Variants in PAM observed in about 807,000 individuals in gnomAD.
The protein encoded by PAM is peptidylglycine alpha-amidating monooxygenase.
Under a neutral mutation model 122.1 loss-of-function variants are expected in PAM, and 72 were observed. The ratio of observed to expected loss-of-function variants is 0.59; its 90% CI spans 0.49 to 0.72. The LOEUF is 0.72. Among genes scored for constraint, PAM ranks in the 30% least tolerant of loss-of-function variants. The pLI is 0.00. For missense variants in PAM, 1,106 were observed against 1,183.7 expected (o/e 0.93, Z 0.96); for synonymous variants, 389 against 404.4 (o/e 0.96, Z 0.46).
intron 1 of PAM, among the ~76,000 whole-genome samples, chr5:102,788,416 G>T (rs955709296): frequency 5.4e-5 from 8 of 148,102 alleles, no homozygotes; most frequent in African/African-American, 2.0e-4. Context: ...TGGAATGTAT[G>T]CAAGACATAA....
chr5:102,772,712 C>T (rs959446580), intron 1 of PAM, among the ~76,000 whole-genome samples: 1 of 151,934 alleles, frequency 6.6e-6, no homozygotes, highest in African/African-American at 2.4e-5. Flanking sequence ...AAATTAAATG[C>T]CAACAAAACT....
intron 7 of PAM, among the ~76,000 whole-genome samples, chr5:102,934,644 G>T (rs932080479): frequency 1.3e-5 from 2 of 152,186 alleles, no homozygotes; most frequent in African/African-American, 4.8e-5. Flanking sequence ...GGGGGCAGAT[G>T]TGGTCTGGAA....
chr5:102,939,659 T>C (rs975974842), intron 7 of PAM, among the ~76,000 whole-genome samples: 2 of 152,068 alleles, frequency 1.3e-5, no homozygotes, highest in African/African-American at 4.8e-5. Context: ...TCATACTACA[T>C]TACTACATAA....
chr5:102,935,308 G>A (rs988616513), intron 7 of PAM, among the ~76,000 whole-genome samples: 2 of 151,666 alleles, frequency 1.3e-5, no homozygotes, highest in African/African-American at 4.8e-5. Context: ...ATTTCCCACA[G>A]ATCTGCATCT....
At chr5:102,777,480 T>C (rs1274167187) in intron 1 of PAM, among the ~76,000 whole-genome samples, 2 of 152,084 alleles carry the variant, frequency 1.3e-5, no homozygotes, top group African/African-American at 4.8e-5. Flanking sequence ...TCTATAAATA[T>C]TAGTTAAATG....
intron 1 of PAM, among the ~76,000 whole-genome samples, chr5:102,828,925 T>G (rs1398866587): frequency 6.6e-6 from 1 of 151,370 alleles, no homozygotes; most frequent in East Asian, 1.9e-4. Context: ...AGGGTTTTTT[T>G]TTTTTTTTTT....
intron 22 of PAM, among the ~76,000 whole-genome samples, chr5:103,018,222 A>G (rs1055176022): frequency 6.6e-6 from 1 of 152,216 alleles, no homozygotes; most frequent in African/African-American, 2.4e-5. Context: ...AATTTGAGGT[A>G]TCAGGAGCTT....
intron 4 of PAM, among the ~76,000 whole-genome samples, chr5:102,908,344 G>A (rs983839543): frequency 2.0e-4 from 31 of 151,942 alleles, no homozygotes; most frequent in Admixed American, 9.2e-4. Context: ...CTCTGTTTTG[G>A]TACCAGTACC....
At chr5:103,011,994 G>C (rs1780765944) in intron 21 of PAM, among the ~76,000 whole-genome samples, 1 of 152,166 alleles carries the variant, frequency 6.6e-6, no homozygotes, top group Admixed American at 6.5e-5. Flanking sequence ...GTTTCGATTT[G>C]CATTTCTCTG....
chr5:102,895,967 G>A (rs1036359754), intron 3 of PAM: 1 of 151,684 alleles, frequency 6.6e-6, no homozygotes, highest in Admixed American at 6.6e-5. Flanking sequence ...GGAAAGGTGA[G>A]TAATGGAGAT....
Position 102,995,535 on chromosome 5 carries a change from CGT to C in PAM, c.1613+5135_1613+5136del, listed in dbSNP as rs552109608. ...CCTGTTTTTGAGACTTGCATCAAGA[CGT>C]TTGAACTCCCTGATTCTCAGTTGCT... On this transcript the variant is annotated intron_variant, in intron 16 of 25. Coordinates refer to ENST00000438793, the MANE Select transcript of PAM (RefSeq NM_001177306.2). Among the ~76,000 whole-genome samples the C allele has an allele frequency of 2.3e-3, 343 of 152,168 alleles. 3 individuals are homozygous for C. The highest frequency in any genetic ancestry group is 8.1e-3 in the African/African-American group (337 of 41,556).
chr5:102,962,551 AC>A (rs749818651), intron 14 of PAM, among the ~76,000 whole-genome samples: 3 of 151,872 alleles, frequency 2.0e-5, no homozygotes, highest in Non-Finnish European at 4.4e-5. Context: ...GGAATGAGAT[AC>A]CACCATTTAA....
intron 23 of PAM, among the ~76,000 whole-genome samples, chr5:103,021,351 C>T (rs1404290275): frequency 1.3e-5 from 2 of 152,134 alleles, no homozygotes; most frequent in Non-Finnish European, 2.9e-5. Flanking sequence ...ACTCTGAAAC[C>T]TCTAGAATTT....
chr5:102,878,498 T>TA (rs766024959), intron 3 of PAM, among the ~76,000 whole-genome samples: 83 of 149,702 alleles, frequency 5.5e-4, no homozygotes, highest in South Asian at 1.3e-3. Context: ...TTCTACTTCT[T>TA]AAAAAAAAAA....
chr5:102,841,257 T>C (rs1778526401), intron 1 of PAM, among the ~76,000 whole-genome samples: 1 of 152,170 alleles, frequency 6.6e-6, no homozygotes, highest in Non-Finnish European at 1.5e-5. Context: ...CTACTATCTT[T>C]TCTCCAGATT....
chr5:102,978,728 T>C (rs1373658922), intron 15 of PAM, among the ~76,000 whole-genome samples: 3 of 152,116 alleles, frequency 2.0e-5, no homozygotes, highest in Non-Finnish European at 4.4e-5. Flanking sequence ...CATTCTTATA[T>C]TTCAGCCATA....
chr5:103,003,800 T>C (rs1282282926), intron 17 of PAM, among the ~76,000 whole-genome samples: 1 of 152,130 alleles, frequency 6.6e-6, no homozygotes, highest in East Asian at 1.9e-4. Context: ...ACCAAACTCA[T>C]CAAGTAATCA....
At chr5:102,941,263 C>T (rs1051707647) in intron 7 of PAM, among the ~76,000 whole-genome samples, 8 of 152,168 alleles carry the variant, frequency 5.3e-5, no homozygotes, top group African/African-American at 1.7e-4. Flanking sequence ...TGAAAGTCGT[C>T]GTCTTGCAGG....
chr5:102,994,972 T>TC (rs557502879), intron 16 of PAM, among the ~76,000 whole-genome samples: 54 of 152,182 alleles, frequency 3.5e-4, no homozygotes, highest in South Asian at 3.5e-3. Context: ...TCTTCCCTCC[T>TC]CCCCCCAGAT....
Sources: gnomAD v4.1 joint callset for allele counts (sites outside exome capture counted in the v4.1 genomes callset) on GRCh38, gnomAD v4.1.1 for gene constraint, MANE v1.5 for transcripts, NCBI Gene and HGNC (gene_info 2026-07-23, HGNC 2026-07-21) for gene names.